The following DGKZ variants were observed in gnomAD, a reference collection of about 807,000 sequenced individuals.
DGKZ encodes DAG kinase zeta.
In DGKZ, 45 loss-of-function variants were observed where a neutral mutation model predicts 142.5. The ratio of observed to expected loss-of-function variants is 0.32; its 90% CI spans 0.25 to 0.40. DGKZ has a LOEUF of 0.40. DGKZ is among the 10% of genes least tolerant of loss of function. DGKZ has a pLI of 1.00. For missense variants in DGKZ, 755 were observed against 1,306.5 expected (o/e 0.58, Z 6.51); for synonymous variants, 442 against 527.0 (o/e 0.84, Z 2.21).
intron 1 of DGKZ, chr11:46,366,110 A>T: frequency 1.4e-6 from 2 of 1,387,154 alleles, no homozygotes; most frequent in Non-Finnish European, 1.9e-6. Flanking sequence ...TTCCCTTCTC[A>T]TGGGGCAGAG....
chr11:46,356,587 G>A (rs1044294773), intron 1 of DGKZ, among the ~76,000 whole-genome samples: 14 of 152,098 alleles, frequency 9.2e-5, no homozygotes, highest in Non-Finnish European at 2.1e-4. Context: ...GAGGGGAGTG[G>A]TATTCCAGGT....
Position 46,367,024 on chromosome 11 carries a change from T to A in DGKZ, c.162-267T>A, listed in dbSNP as rs1293683974. 69 of 1,480,114 alleles carry A rather than the reference T, an allele frequency of 4.7e-5. No homozygotes were observed. Among genetic ancestry groups the A allele is most frequent in the Non-Finnish European group, 6.2e-5 (69 of 1,120,590 alleles). 91.7% of individuals were successfully genotyped at this position (1,480,114 alleles called of 1,614,324 possible). ...GGCCAGCAGGGCGAGTGGTGTGACCTCCTGTGGGTCTGGCCTGGGCATGGG... is the reference window on the plus strand; with the variant it reads ...GGCCAGCAGGGCGAGTGGTGTGACCACCTGTGGGTCTGGCCTGGGCATGGG... On this transcript the variant is annotated intron_variant, in intron 1 of 30. Coordinates refer to ENST00000527911, the Ensembl canonical transcript of DGKZ. This position sits in a 1 kb window ranked among gnomAD's most constrained non-coding sequence, Gnocchi z 4.1.
intron 1 of DGKZ, among the ~76,000 whole-genome samples, chr11:46,360,359 C>A (rs1298627050): frequency 6.6e-6 from 1 of 152,036 alleles, no homozygotes; most frequent in Non-Finnish European, 1.5e-5. Context: ...AAACAAAACT[C>A]TTTTGGGATC....
At chr11:46,358,223 C>A (rs1942259987) in intron 1 of DGKZ, among the ~76,000 whole-genome samples, 1 of 152,180 alleles carries the variant, frequency 6.6e-6, no homozygotes, top group African/African-American at 2.4e-5. Flanking sequence ...AGAGTCCTTA[C>A]TCCATACATA....
chr11:46,366,750 A>G, intron 1 of DGKZ: 1 of 1,551,140 alleles, frequency 6.4e-7, no homozygotes, highest in Non-Finnish European at 8.7e-7. Flanking sequence ...GCCTCCTCCC[A>G]CCTGCTCCCC....
chr11:46,368,351 T>A (rs1353378189), intron 4 of DGKZ: 1 of 489,794 alleles, frequency 2.0e-6, no homozygotes, highest in African/African-American at 1.9e-5. Flanking sequence ...TGGTGGCCCT[T>A]GTACCATTTC....
intron 1 of DGKZ, among the ~76,000 whole-genome samples, chr11:46,356,703 C>T (rs1942059562): frequency 6.6e-6 from 1 of 152,080 alleles, no homozygotes; most frequent in Admixed American, 6.5e-5. Flanking sequence ...GGGTATGTGC[C>T]ATGGAACACA....
intron 1 of DGKZ, among the ~76,000 whole-genome samples, chr11:46,357,955 C>T (rs1942226833): frequency 6.6e-6 from 1 of 152,200 alleles, no homozygotes; most frequent in Non-Finnish European, 1.5e-5. Context: ...GGCTTCGTGT[C>T]ACAGTACAGG....
intron 30 of DGKZ, 21 bp downstream of exon 30, chr11:46,379,589 G>A (rs1441508233): frequency 6.3e-7 from 1 of 1,585,728 alleles, no homozygotes; most frequent in Non-Finnish European, 8.6e-7. Context: ...GGCAGGCAGG[G>A]AGCCCACGAG....
At chr11:46,379,789 C>G in intron 30 of DGKZ, 42 bp from the exon 31 acceptor site, 2 of 1,560,094 alleles carry the variant, frequency 1.3e-6, no homozygotes, top group Non-Finnish European at 1.7e-6. Flanking sequence ...GGGGTTAGGC[C>G]TGCCTCTGGC....
chr11:46,377,955 C>T, intron 25 of DGKZ: 1 of 590,708 alleles, frequency 1.7e-6, no homozygotes, highest in South Asian at 2.0e-5. Context: ...AGCACCCCTG[C>T]TCTCAGAACT....
rs116698407 is a variant in DGKZ at position 46,375,387 on chromosome 11, C to T, written c.1711-45C>T. 2.5e-4 allele frequency: 381 copies of T among 1,524,490 alleles called. 2 individuals are homozygous for T. The African/African-American group carries it at 4.4e-3, about 18-fold the overall frequency. The allele number at this position is 1,524,490 out of a possible 1,614,324, so 94.4% of individuals were successfully genotyped here. ...AGGAGCAGAGTCTGGGACCCCCCTG[C>T]CCCCAGCCCTGGTGCCATCTGACCC... On this transcript the variant is annotated intron_variant, in intron 19 of 30. Transcript: ENST00000527911.
At chr11:46,345,353 C>T (rs757916298), upstream of DGKZ, 106 of 1,394,248 alleles carry the variant, frequency 7.6e-5, no homozygotes, top group Non-Finnish European at 9.2e-5. This position sits in a 1 kb window ranked among gnomAD's most constrained non-coding sequence, Gnocchi z 4.1. Flanking sequence ...GCAGGCCCCC[C>T]CCTCGACCCC....
intron 27 of DGKZ, chr11:46,378,762 G>C (rs1944858612): frequency 2.3e-6 from 2 of 874,238 alleles, no homozygotes. Context: ...AGGAAGCACT[G>C]CTCCAGGGCT....
At chr11:46,344,252 T>C (rs926616448), upstream of DGKZ, among the ~76,000 whole-genome samples, 2 of 152,002 alleles carry the variant, frequency 1.3e-5, no homozygotes, top group Admixed American at 1.3e-4. Flanking sequence ...ATATTGTACA[T>C]AGATTGTTTG....
intron 1 of DGKZ, among the ~76,000 whole-genome samples, chr11:46,360,796 A>C (rs1050059049): frequency 1.2e-4 from 18 of 152,194 alleles, no homozygotes; most frequent in Admixed American, 5.9e-4. Flanking sequence ...AAAGAAAAAA[A>C]AAAAGAGTTT....
At chr11:46,379,433 C>A (rs572261721) in intron 29 of DGKZ, 36 bp from the exon 30 acceptor site, 3 of 1,593,884 alleles carry the variant, frequency 1.9e-6, no homozygotes, top group African/African-American at 2.7e-5. Context: ...GATCAGGGGA[C>A]GGGATGGGGT....
At chr11:46,359,218 G>A (rs529901601) in intron 1 of DGKZ, among the ~76,000 whole-genome samples, 10 of 150,466 alleles carry the variant, frequency 6.6e-5, no homozygotes, top group South Asian at 2.1e-4. Flanking sequence ...CAAGGCGGGC[G>A]GATCACGAGG....
At chr11:46,368,445 G>A in intron 4 of DGKZ, 1 of 362,054 alleles carries the variant, frequency 2.8e-6, no homozygotes, top group East Asian at 7.2e-5. Flanking sequence ...TGCCTCTGTG[G>A]AGACCTTTCC....
Sources: gnomAD v4.1 joint callset for allele counts (sites outside exome capture counted in the v4.1 genomes callset) on GRCh38, gnomAD v4.1.1 for gene constraint, Gnocchi (gnomAD v3.1) non-coding constraint, MANE v1.5 for transcripts, NCBI Gene and HGNC (gene_info 2026-07-23, HGNC 2026-07-21) for gene names.